The following COL28A1 variants were observed in gnomAD, a reference collection of about 807,000 sequenced individuals.
The protein encoded by COL28A1 is collagen alpha-1(XXVIII) chain.
COL28A1 carries 161 observed loss-of-function variants against 150.2 expected under a neutral mutation model. The ratio of observed to expected loss-of-function variants is 1.07; its 90% confidence interval spans 0.94 to 1.22. The LOEUF (loss-of-function observed/expected upper bound fraction) is 1.22, where lower values mean the gene tolerates loss of function less well. COL28A1 is among the 50% of genes most tolerant of loss of function. The probability of loss-of-function intolerance (pLI) is 0.00; values close to 1 mark genes in which losing one functional copy is unlikely to be tolerated. For synonymous variants in COL28A1, 552 were observed against 469.7 expected, an observed-to-expected ratio of 1.18 and a Z score of -2.26; for missense variants, 1,617 against 1,388.3, an observed-to-expected ratio of 1.16 and a Z score of -2.62.
chr7:7,376,718 A>C (rs961197455), intron 30 of COL28A1, among the ~76,000 whole-genome samples: 22 of 34,628 alleles, frequency 6.4e-4, no homozygotes, highest in Admixed American at 6.5e-4. Flanking sequence ...ATTTTTTATA[A>C]ACGGAGAAAA....
At chr7:7,367,740 C>A (rs919139290) in intron 33 of COL28A1, among the ~76,000 whole-genome samples, 1 of 151,346 alleles carries the variant, frequency 6.6e-6, no homozygotes, top group African/African-American at 2.4e-5. Flanking sequence ...TTCCTCATTA[C>A]GTGTCATAAC....
chr7:7,370,914 T>G (rs1194617612), intron 32 of COL28A1, 32 bp from the exon 33 acceptor site: 2 of 1,457,744 alleles, frequency 1.4e-6, no homozygotes, highest in African/African-American at 2.8e-5. Flanking sequence ...AGAGAGATAG[T>G]AGAAGCAATG....
rs575082137 is a variant in COL28A1, at chr7:7,516,383, C to T, written c.856-543G>A. On this transcript the variant is annotated intron_variant, in intron 7 of 34. Transcript: ENST00000399429. Reference sequence around the variant, plus strand: ...AAAGGTTCCTTTATCAGCCCTAATGCGACAGTGACCTTTAAGCTACTGTCT... The same window carrying T: ...AAAGGTTCCTTTATCAGCCCTAATGTGACAGTGACCTTTAAGCTACTGTCT... 1.4e-4 allele frequency among the ~76,000 whole-genome samples: 22 copies of T among 152,286 alleles called. No homozygotes were observed. The East Asian group carries it at 3.1e-3, about 21-fold the overall frequency.
chr7:7,405,412 G>A (rs2128301258), intron 27 of COL28A1, among the ~76,000 whole-genome samples: 1 of 152,230 alleles, frequency 6.6e-6, no homozygotes. Context: ...TAATCACAAT[G>A]GGAACTATTA....
intron 34 of COL28A1, among the ~76,000 whole-genome samples, chr7:7,359,393 G>A (rs16877721): frequency 2.0e-5 from 3 of 151,836 alleles, no homozygotes; most frequent in South Asian, 2.1e-4. Context: ...ACTTTCTAAC[G>A]TCATATTGTC....
At chr7:7,512,684 C>T (rs2115155476) in intron 8 of COL28A1, among the ~76,000 whole-genome samples, 1 of 152,264 alleles carries the variant, frequency 6.6e-6, no homozygotes, top group South Asian at 2.1e-4. Flanking sequence ...CTTTATAAAT[C>T]ACTTTAGAGT....
intron 27 of COL28A1, among the ~76,000 whole-genome samples, chr7:7,409,647 T>C (rs752092212): frequency 2.6e-5 from 4 of 152,226 alleles, no homozygotes; most frequent in Non-Finnish European, 5.9e-5. Flanking sequence ...CTGAACAATG[T>C]CTTATCTTTA....
chr7:7,518,051 G>T lies in COL28A1; in HGVS notation c.814-214C>A, dbSNP rs560054673. ...CCTTTGCAGTGAAGCCAGATGTGTA[G>T]GGTGCAGGATCCAGGTACCTTTTCA... On this transcript the variant is annotated intron_variant, in intron 6 of 34. Transcript: ENST00000399429. Among the ~76,000 whole-genome samples, 245 of 151,646 alleles carry T rather than the reference G, an allele frequency of 1.6e-3. 2 individuals are homozygous for T. Among genetic ancestry groups the T allele is most frequent in the African/African-American group, 5.6e-3 (232 of 41,308 alleles).
chr7:7,541,165 G>A, the COL28A1 span, among the ~76,000 whole-genome samples: 3 of 152,080 alleles, frequency 2.0e-5, no homozygotes, highest in South Asian at 4.1e-4. Context: ...TCCCAGTTAA[G>A]GTAATAGGGT....
At position 7,520,129 on chromosome 7, in the gene COL28A1, GA is replaced by G. The variant is rs1207826807; in HGVS notation, c.760-15del. The G allele has an allele frequency of 7.7e-6, 9 of 1,169,550 alleles. No individual in the cohort carries two copies. The highest frequency in any genetic ancestry group is 1.5e-5 in the African/African-American group (1 of 66,330). The allele number at this position is 1,169,550 out of a possible 1,614,324, so 72.4% of individuals were successfully genotyped here. ...TCCATGTGTACCCTGAAGGCAAAGG[GA>G]AAAAATATTATTTTAAGTAGGAATT... On this transcript the variant is annotated splice_polypyrimidine_tract_variant and intron_variant, in intron 5 of 34. Coordinates refer to ENST00000399429, the MANE Select transcript of COL28A1 (RefSeq NM_001037763.3).
chr7:7,346,111 C>A, the COL28A1 span, among the ~76,000 whole-genome samples: 1 of 151,062 alleles, frequency 6.6e-6, no homozygotes, highest in Non-Finnish European at 1.5e-5. Context: ...TCTGAAATAA[C>A]AAGTATTTGG....
chr7:7,484,947 G>A (rs564740210), intron 13 of COL28A1, among the ~76,000 whole-genome samples: 39 of 152,188 alleles, frequency 2.6e-4, no homozygotes, highest in Middle Eastern at 3.4e-3. Context: ...ACACAAAGAA[G>A]GGAACAGCAG....
intron 20 of COL28A1, among the ~76,000 whole-genome samples, chr7:7,442,125 C>T (rs2128321230): frequency 6.6e-6 from 1 of 152,306 alleles, no homozygotes; most frequent in Non-Finnish European, 1.5e-5. Context: ...CTCCAATAGG[C>T]TTTCATAAGC....
chr7:7,477,490 T>C (rs935560791), intron 13 of COL28A1, among the ~76,000 whole-genome samples: 3 of 152,322 alleles, frequency 2.0e-5, no homozygotes, highest in African/African-American at 7.2e-5. Flanking sequence ...TGTCTGGAAT[T>C]GGTGGGTTCT....
chr7:7,344,855 C>T, the COL28A1 span, among the ~76,000 whole-genome samples: 2,152 of 152,146 alleles, frequency 0.014, 48 homozygotes, highest in African/African-American at 0.049. Context: ...TTCTGACAAA[C>T]CTGTCAATAC....
intron 11 of COL28A1, among the ~76,000 whole-genome samples, chr7:7,491,004 C>T (rs558991937): frequency 6.6e-6 from 1 of 152,208 alleles, no homozygotes; most frequent in South Asian, 2.1e-4. Flanking sequence ...GAGGAAGGGG[C>T]CCACAAAGTC....
At chr7:7,359,079 G>A (rs767841177) in intron 34 of COL28A1, among the ~76,000 whole-genome samples, 1 of 152,026 alleles carries the variant, frequency 6.6e-6, no homozygotes, top group African/African-American at 2.4e-5. Flanking sequence ...TTCCCTGAAA[G>A]CCTAAGTGAG....
In COL28A1 at chr7:7,463,753, A is replaced by T. The variant is rs1233365818; in HGVS notation, c.1303-7641T>A. On this transcript the variant is annotated intron_variant, in intron 15 of 34. Transcript: ENST00000399429. ...TAAATTTCACAGGACCTATAAAACA[A>T]AAATATAATAAAAAAGGTATATAGG... Among the ~76,000 whole-genome samples the T allele has an allele frequency of 2.6e-5, 4 of 152,150 alleles. No homozygotes were observed. The East Asian group carries it at 7.7e-4, about 29-fold the overall frequency.
intron 27 of COL28A1, among the ~76,000 whole-genome samples, chr7:7,409,297 T>G (rs1488074662): frequency 6.6e-6 from 1 of 152,052 alleles, no homozygotes; most frequent in Non-Finnish European, 1.5e-5. Flanking sequence ...CAGCTAAGAG[T>G]AACTTATTCA....
Sources: gnomAD v4.1 joint callset for allele counts (sites outside exome capture counted in the v4.1 genomes callset) on GRCh38, gnomAD v4.1.1 for gene constraint, MANE v1.5 for transcripts, NCBI Gene and HGNC (gene_info 2026-07-23, HGNC 2026-07-21) for gene names.